PYGB: variants seen among roughly 807,000 people sequenced by gnomAD.
PYGB encodes glycogen phosphorylase B.
In PYGB, 82 loss-of-function variants were observed where a neutral mutation model predicts 94.3. The ratio of observed to expected loss-of-function variants is 0.87; its 90% CI spans 0.73 to 1.04. The LOEUF is 1.04. PYGB is among the 50% of genes least tolerant of loss of function. PYGB has a pLI of 0.00. For missense variants in PYGB, 1,132 were observed against 1,158.2 expected (o/e 0.98, Z 0.33); for synonymous variants, 488 against 479.1 (o/e 1.02, Z -0.24).
chr20:25,250,069 T>C (rs2092883251), intron 1 of PYGB, among the ~76,000 whole-genome samples: 1 of 152,136 alleles, frequency 6.6e-6, no homozygotes, highest in South Asian at 2.1e-4. Flanking sequence ...CAGGCTGGTC[T>C]CAAACTCCTG....
chr20:25,275,592 T>C (rs2088304291), intron 5 of PYGB, among the ~76,000 whole-genome samples: 1 of 152,210 alleles, frequency 6.6e-6, no homozygotes, highest in African/African-American at 2.4e-5. Flanking sequence ...GGCCATGCCA[T>C]GGAGGCTGAA....
At chr20:25,250,907 C>G (rs1442447294) in intron 1 of PYGB, 3 of 152,232 alleles carry the variant, frequency 2.0e-5, no homozygotes, top group Non-Finnish European at 4.4e-5. Context: ...TAACCCACTT[C>G]TATCGCCCAC....
In PYGB at chr20:25,274,669, CT is replaced by C. The variant is rs770131767; in HGVS notation, c.608del (p.Phe203SerfsTer12). On this transcript the variant is annotated frameshift_variant, in exon 5 of 20. Transcript: ENST00000216962. LOFTEE classifies it high-confidence loss of function. ...ARPEYMLPVH[F>X]YGRVEHTPDG... ...GGCCTGAGTATATGCTTCCCGTGCA[CT>C]TCTACGGACGCGTGGAGCACACCCC... 3 of 1,613,898 alleles carry C rather than the reference CT, an allele frequency of 1.9e-6. No individual in the cohort carries two copies. In the African/African-American group the frequency reaches 4.0e-5, roughly 21 times the overall value.
intron 15 of PYGB, among the ~76,000 whole-genome samples, chr20:25,289,069 G>T (rs1350625293): frequency 6.6e-6 from 1 of 152,182 alleles, no homozygotes; most frequent in Non-Finnish European, 1.5e-5. Context: ...GACTGTGTGA[G>T]GCACCCCAGC....
Position 25,295,624 on chromosome 20 carries a change from A to G in PYGB, c.2333A>G (p.Tyr778Cys), listed in dbSNP as rs199953270. Reference protein sequence around the residue: ...HHDRFKVFADYEAYMQCQAQV... With the variant: ...HHDRFKVFADCEAYMQCQAQV... ...TCCAGGTTCAAGGTGTTTGCAGACT[A>G]TGAAGCCTACATGCAGTGCCAGGCA... Residue 778 changes from tyrosine (Y) to cysteine (C), a missense_variant, in exon 19 of 20, where the codon TAT (tyrosine) becomes TGT (cysteine). Coordinates refer to ENST00000216962, the MANE Select transcript of PYGB (RefSeq NM_002862.4). 3 of 1,614,048 alleles carry G rather than the reference A, an allele frequency of 1.9e-6. No individual in the cohort carries two copies. The highest frequency in any genetic ancestry group is 2.5e-6 in the Non-Finnish European group (3 of 1,179,980).
Position 25,281,122 on chromosome 20 carries a change from G to A in PYGB, c.1403+10G>A. 6.2e-7 allele frequency: 1 copy of A among 1,613,902 alleles called. No homozygotes were observed. The highest frequency in any genetic ancestry group is 8.5e-7 in the Non-Finnish European group (1 of 1,179,830). ...TCGTGAAACAGTCGGTGTGAGTGGG[G>A]CGCTTGCCCGAGCGGGGCCAGCTCT... On this transcript the variant is annotated intron_variant, in intron 11 of 19. Transcript: ENST00000216962.
intron 2 of PYGB, among the ~76,000 whole-genome samples, chr20:25,260,817 C>T (rs2092911663): frequency 6.6e-6 from 1 of 152,216 alleles, no homozygotes; most frequent in Non-Finnish European, 1.5e-5. Flanking sequence ...GCAAACGGCA[C>T]ACGAGGAAAT....
chr20:25,293,946 C>CT (rs1684806563), intron 17 of PYGB: 1 of 605,470 alleles, frequency 1.7e-6, no homozygotes, highest in African/African-American at 1.8e-5. Context: ...GTGGGATTGG[C>CT]TTTAGACTGA....
chr20:25,291,661 C>G (rs1436810747), intron 16 of PYGB, among the ~76,000 whole-genome samples: 1 of 152,194 alleles, frequency 6.6e-6, no homozygotes, highest in Non-Finnish European at 1.5e-5. Context: ...CTCCTCTCCC[C>G]CGTGCTGCCT....
chr20:25,250,318 G>A (rs538095148), intron 1 of PYGB, among the ~76,000 whole-genome samples: 1 of 152,314 alleles, frequency 6.6e-6, no homozygotes, highest in South Asian at 2.1e-4. Context: ...TGGGCTCAGG[G>A]ATTACGGAAA....
At chr20:25,271,661 T>TGGCCTGGGAG (rs2123550576) in intron 4 of PYGB, among the ~76,000 whole-genome samples, 175 bp downstream of exon 4, 2 of 152,342 alleles carry the variant, frequency 1.3e-5, no homozygotes, top group South Asian at 4.1e-4. Context: ...TTGGTCCACA[T>TGGCCTGGGAG]GGCCTGGGAG....
At chr20:25,268,911 T>C (rs763199710) in intron 2 of PYGB, among the ~76,000 whole-genome samples, 29 of 152,260 alleles carry the variant, frequency 1.9e-4, no homozygotes, top group Non-Finnish European at 2.6e-4. Flanking sequence ...TCACTGTTAA[T>C]AGGTTAACTA....
intron 1 of PYGB, among the ~76,000 whole-genome samples, chr20:25,257,870 G>T (rs1207155563): frequency 6.6e-6 from 1 of 152,172 alleles, no homozygotes; most frequent in African/African-American, 2.4e-5. Context: ...CTGCCAGAGG[G>T]GGGAGGCAGG....
chr20:25,281,290 G>T (rs1248000607), intron 11 of PYGB, among the ~76,000 whole-genome samples, 178 bp downstream of exon 11: 1 of 152,204 alleles, frequency 6.6e-6, no homozygotes, highest in Non-Finnish European at 1.5e-5. Flanking sequence ...ACGCCTTGTT[G>T]TGCGTTCACC....
At chr20:25,289,095 C>T (rs566947388) in intron 15 of PYGB, among the ~76,000 whole-genome samples, 3 of 152,230 alleles carry the variant, frequency 2.0e-5, no homozygotes, top group African/African-American at 4.8e-5. Context: ...ACGGCAAGGC[C>T]GGGGCCTGGG....
intron 1 of PYGB, chr20:25,251,326 G>T (rs2092887445): frequency 6.6e-6 from 1 of 152,266 alleles, no homozygotes; most frequent in Non-Finnish European, 1.5e-5. Context: ...CATTCGGTCT[G>T]TGCAACTGTG....
chr20:25,259,114 G>T (rs2092908180), intron 1 of PYGB, 123 bp from the exon 2 acceptor site: 14 of 868,896 alleles, frequency 1.6e-5, no homozygotes, highest in Non-Finnish European at 2.3e-5. Flanking sequence ...CAGTTTTTGT[G>T]CATGGGGTTG....
intron 2 of PYGB, among the ~76,000 whole-genome samples, chr20:25,261,278 G>A (rs1356400895): frequency 2.0e-5 from 3 of 152,194 alleles, no homozygotes; most frequent in Non-Finnish European, 2.9e-5. Context: ...CCTCTGAGAC[G>A]AAGCTTCCAG....
chr20:25,282,212 C>A, intron 12 of PYGB, 65 bp downstream of exon 12: 2 of 1,356,466 alleles, frequency 1.5e-6, no homozygotes, highest in Non-Finnish European at 2.0e-6. Context: ...GCCATGTCAT[C>A]AGCCCCTGCT....
Sources: allele counts gnomAD v4.1 joint callset (sites outside exome capture counted in the v4.1 genomes callset), GRCh38; gene constraint gnomAD v4.1.1; transcripts MANE v1.5; gene names NCBI Gene and HGNC (gene_info 2026-07-23, HGNC 2026-07-21).